DAAM2: variants seen among roughly 807,000 people sequenced by gnomAD.
DAAM2 encodes disheveled-associated activator of morphogenesis 2.
DAAM2 carries 39 observed loss-of-function variants against 120.7 expected under a neutral mutation model. The observed-to-expected ratio is 0.32, with a 90% CI of 0.25 to 0.42. The LOEUF is 0.42. DAAM2 is among the 10% of genes least tolerant of loss of function. The pLI, the probability that DAAM2 is intolerant of heterozygous loss-of-function variation, is 1.00. For synonymous variants in DAAM2, 488 were observed against 524.9 expected (o/e 0.93, Z 0.96); for missense variants, 1,283 against 1,401.7 (o/e 0.92, Z 1.35).
intron 5 of DAAM2, chr6:39,867,202 A>G: frequency 2.9e-6 from 1 of 345,714 alleles, no homozygotes; most frequent in Admixed American, 4.2e-5. Context: ...TCCTCACTGG[A>G]GAGGAGTGTT....
intron 1 of DAAM2, chr6:39,821,671 C>A (rs1471202359): frequency 1.3e-5 from 2 of 152,230 alleles, no homozygotes; most frequent in Non-Finnish European, 2.9e-5. Flanking sequence ...TGGTGGTTGT[C>A]AACCTTGAGG....
chr6:39,842,171 T>A (rs981975784), intron 1 of DAAM2, among the ~76,000 whole-genome samples: 5 of 151,948 alleles, frequency 3.3e-5, no homozygotes, highest in Admixed American at 2.0e-4. Context: ...ATTCCTGGGG[T>A]GTTAACCACT....
intron 6 of DAAM2, 96 bp downstream of exon 6, chr6:39,867,939 G>A: frequency 8.7e-7 from 1 of 1,151,344 alleles, no homozygotes; most frequent in Non-Finnish European, 1.2e-6. Context: ...CAGAAACTGG[G>A]GGAAAAGGAA....
chr6:39,880,858 G>A (rs1765085394), intron 14 of DAAM2, among the ~76,000 whole-genome samples: 1 of 152,218 alleles, frequency 6.6e-6, no homozygotes, highest in Non-Finnish European at 1.5e-5. Context: ...CAGGTGCACT[G>A]CACAGTTGTG....
intron 3 of DAAM2, 24 bp from the exon 4 acceptor site, chr6:39,864,409 A>G (rs1764335860): frequency 6.2e-7 from 1 of 1,604,740 alleles, no homozygotes; most frequent in Non-Finnish European, 8.5e-7. Context: ...CTGTTGGTCC[A>G]TGCTGTCCTT....
chr6:39,902,049 AG>A lies in DAAM2; in HGVS notation c.*13del. ...GGCTAAATTATTGACCTGGGGAACT[AG>A]CCACACAGGAGGCCGGGAGACAGGG... On this transcript the variant is annotated 3_prime_UTR_variant, in exon 25 of 25. Transcript: ENST00000274867. 6.3e-7 allele frequency: 1 copy of A among 1,590,236 alleles called. No homozygotes were observed. The highest frequency in any genetic ancestry group is 8.6e-7 in the Non-Finnish European group (1 of 1,163,676).
Position 39,904,735 on chromosome 6 carries a change from GC to G in DAAM2, c.*2699del. 2.2e-6 allele frequency: 1 copy of G among 454,092 alleles called. No individual in the cohort carries two copies. The highest frequency in any genetic ancestry group is 4.4e-6 in the Non-Finnish European group (1 of 226,782). 28.1% of individuals were successfully genotyped at this position (454,092 alleles called of 1,614,324 possible). Reference sequence around the variant, plus strand: ...CTACCAGGGATGCCTTCACGCCAAGGCTGTTCTCACCAGCTGCCTCAGATGA... The same window carrying G: ...CTACCAGGGATGCCTTCACGCCAAGGTGTTCTCACCAGCTGCCTCAGATGA... On this transcript the variant is annotated 3_prime_UTR_variant, in exon 25 of 25. Transcript: ENST00000274867.
chr6:39,805,256 C>T (rs1761976053), intron 1 of DAAM2, among the ~76,000 whole-genome samples: 1 of 152,144 alleles, frequency 6.6e-6, no homozygotes, highest in Non-Finnish European at 1.5e-5. Flanking sequence ...ATTCAAATTT[C>T]ACCACTTGCT....
intron 1 of DAAM2, among the ~76,000 whole-genome samples, chr6:39,816,204 C>T (rs12194559): frequency 0.032 from 4,808 of 152,318 alleles, 140 homozygotes; most frequent in South Asian, 0.16. Flanking sequence ...CCCAAGGCTG[C>T]GCATTTCTAA....
intron 3 of DAAM2, chr6:39,861,468 A>C: frequency 3.4e-6 from 1 of 294,224 alleles, no homozygotes. Context: ...TCCTCAGCAT[A>C]TCCTCCCTCT....
chr6:39,846,117 G>C (rs1353414809), intron 1 of DAAM2, among the ~76,000 whole-genome samples: 1 of 152,084 alleles, frequency 6.6e-6, no homozygotes, highest in Non-Finnish European at 1.5e-5. Flanking sequence ...TGGGGCATTA[G>C]GGATTGAAGA....
chr6:39,868,488 C>G, intron 6 of DAAM2: 1 of 305,928 alleles, frequency 3.3e-6, no homozygotes, highest in Non-Finnish European at 6.2e-6. Flanking sequence ...AGTGTCCATA[C>G]CATAAATGAG....
chr6:39,825,201 C>T (rs774672042), intron 1 of DAAM2, among the ~76,000 whole-genome samples: 3 of 151,924 alleles, frequency 2.0e-5, no homozygotes, highest in Non-Finnish European at 4.4e-5. Flanking sequence ...ACCAGCCTGG[C>T]GGACATGGGG....
At chr6:39,881,960 C>T (rs1765138558) in intron 14 of DAAM2, 1 of 152,178 alleles carries the variant, frequency 6.6e-6, no homozygotes, top group Non-Finnish European at 1.5e-5. Context: ...CATCTTCCCA[C>T]AGTCCCACAG....
rs77655728 is a variant in DAAM2, at chr6:39,810,863, C to T, written c.-57+18398C>T. On this transcript the variant is annotated intron_variant, in intron 1 of 24. Coordinates refer to ENST00000274867, the MANE Select transcript of DAAM2 (RefSeq NM_001201427.2). ...ATCCTGTCCGAGGCTCTGCTTCTAG[C>T]GAACCCAATCTAAAATGTCCTGGGT... Among the ~76,000 whole-genome samples the T allele has an allele frequency of 6.3e-3, 959 of 152,262 alleles. 10 individuals are homozygous for T. The highest frequency in any genetic ancestry group is 0.019 in the African/African-American group (797 of 41,528).
At chr6:39,892,389 C>T (rs904596710) in intron 19 of DAAM2, among the ~76,000 whole-genome samples, 2 of 152,120 alleles carry the variant, frequency 1.3e-5, no homozygotes, top group African/African-American at 2.4e-5. Context: ...GTTAATGTCC[C>T]GAGGCTGTGA....
chr6:39,822,667 G>C (rs1312460414), intron 1 of DAAM2: 5 of 152,182 alleles, frequency 3.3e-5, no homozygotes, highest in Non-Finnish European at 7.3e-5. Context: ...AGAAACTAAG[G>C]CTCAGAGATT....
intron 22 of DAAM2, 28 bp from the exon 23 acceptor site, chr6:39,900,049 T>G (rs1364945537): frequency 6.3e-7 from 1 of 1,594,178 alleles, no homozygotes; most frequent in Non-Finnish European, 8.5e-7. Flanking sequence ...GGCACCAGTC[T>G]AAGCAGCACT....
chr6:39,887,452 C>T, intron 15 of DAAM2, 34 bp from the exon 16 acceptor site: 2 of 1,522,268 alleles, frequency 1.3e-6, no homozygotes, highest in Non-Finnish European at 1.8e-6. Flanking sequence ...AGGGAACCCA[C>T]ACCTCAACTG....
Sources: allele counts gnomAD v4.1 joint callset (sites outside exome capture counted in the v4.1 genomes callset), GRCh38; gene constraint gnomAD v4.1.1; transcripts MANE v1.5; gene names NCBI Gene and HGNC (gene_info 2026-07-23, HGNC 2026-07-21).